The following YTHDC2 variants were observed in gnomAD, a reference collection of about 807,000 sequenced individuals.
The protein encoded by YTHDC2 is YTH N6-methyladenosine RNA binding protein C2, also known as 3'-5' RNA helicase YTHDC2.
YTHDC2 carries 45 observed loss-of-function variants against 174.9 expected under a neutral mutation model. The observed-to-expected ratio is 0.26, with a 90% confidence interval of 0.20 to 0.33. The LOEUF is 0.33. Among genes scored for constraint, YTHDC2 ranks in the 10% least tolerant of loss-of-function variants. The probability of loss-of-function intolerance (pLI) is 1.00; values close to 1 mark genes in which losing one functional copy is unlikely to be tolerated. For synonymous variants in YTHDC2, 657 were observed against 574.5 expected (o/e 1.14, Z -2.05); for missense variants, 1,650 against 1,723.7 (o/e 0.96, Z 0.76).
intron 12 of YTHDC2, 120 bp from the exon 13 acceptor site, chr5:113,553,061 C>T (rs935624592): frequency 1.0e-6 from 1 of 969,372 alleles, no homozygotes; most frequent in Non-Finnish European, 1.4e-6. Context: ...CATATTATAG[C>T]TAGGACATTA....
intron 23 of YTHDC2, among the ~76,000 whole-genome samples, chr5:113,573,030 G>T (rs1461701376): frequency 6.6e-6 from 1 of 152,112 alleles, no homozygotes; most frequent in Admixed American, 6.5e-5. Context: ...TGGTTATTTT[G>T]CAGACTTGTT....
Position 113,562,661 on chromosome 5 carries a change from A to C in YTHDC2, c.2323-712A>C, listed in dbSNP as rs148274924. On this transcript the variant is annotated intron_variant, in intron 18 of 29. Transcript: ENST00000161863. ...TTTTTCCTTCTGCCTTACAGCTTTC[A>C]CAGGTATCTACTCTCTCCTTAGATT... is the stretch of plus-strand genomic sequence containing the variant. 3.4e-3 allele frequency among the ~76,000 whole-genome samples: 511 copies of C among 152,192 alleles called. 3 individuals are homozygous for C. The highest frequency in any genetic ancestry group is 0.012 in the African/African-American group (493 of 41,526).
chr5:113,567,825 C>G lies in YTHDC2; in HGVS notation c.3220C>G (p.Leu1074Val). The change falls in exon 23 of 30, where the codon CTT becomes GTT. Residue 1074 changes from leucine to valine, a missense_variant. Physicochemically the swap from Leu to Val is conservative, Grantham distance 32 (BLOSUM62 1). Around this residue, in one of 5 missense-constraint regions of YTHDC2, gnomAD observed 913 missense variants for 940.4 expected, o/e 0.97. Coordinates refer to ENST00000161863, the MANE Select transcript of YTHDC2 (RefSeq NM_022828.5). The stretch of plus-strand genomic sequence containing the variant: ...ACCAGCTAGATTGGCAAGTAATGCT[C>G]TTCAGGAACCTTCATCCTTTAGAGG... ...CGPARLASNA[L>V]QEPSSFRVDG... 2 of 1,567,310 alleles carry G rather than the reference C, an allele frequency of 1.3e-6. No homozygotes were observed. The highest frequency in any genetic ancestry group is 1.4e-5 in the African/African-American group (1 of 73,370).
At chr5:113,539,759 G>A (rs534746884) in intron 8 of YTHDC2, among the ~76,000 whole-genome samples, 21 of 152,052 alleles carry the variant, frequency 1.4e-4, no homozygotes, top group African/African-American at 5.1e-4. Flanking sequence ...TGTTTATTCT[G>A]TATGCCCTTG....
chr5:113,589,713 C>T (rs1778907958), intron 26 of YTHDC2, among the ~76,000 whole-genome samples: 1 of 152,002 alleles, frequency 6.6e-6, no homozygotes, highest in South Asian at 2.1e-4. Context: ...GCCTGTATGA[C>T]AGAGTGAGAC....
intron 10 of YTHDC2, among the ~76,000 whole-genome samples, chr5:113,544,585 T>C (rs1775722236): frequency 6.6e-6 from 1 of 152,218 alleles, no homozygotes; most frequent in African/African-American, 2.4e-5. Context: ...TGATGTGAAA[T>C]CTAACTACAT....
At position 113,591,247 on chromosome 5, in the gene YTHDC2, G is replaced by A. The variant is rs748016034; in HGVS notation, c.4029+3G>A. The stretch of plus-strand genomic sequence containing the variant: ...TTCAAGGATCTGGACATTTCCAGGT[G>A]AGCCACCCTGAATCAGTAAAATGGG... On this transcript the variant is annotated splice_donor_region_variant and intron_variant, in intron 27 of 29. Transcript: ENST00000161863. The A allele has an allele frequency of 3.1e-6, 5 of 1,613,672 alleles. No homozygotes were observed. The Admixed American group carries it at 8.3e-5, about 27-fold the overall frequency.
chr5:113,534,185 A>G, intron 5 of YTHDC2, 120 bp from the exon 6 acceptor site: 2 of 728,226 alleles, frequency 2.7e-6, no homozygotes, highest in Admixed American at 4.3e-5. Flanking sequence ...AACTGTACAT[A>G]CCGGTACACT....
At chr5:113,552,953 A>G (rs902316331) in intron 12 of YTHDC2, among the ~76,000 whole-genome samples, 11 of 151,992 alleles carry the variant, frequency 7.2e-5, no homozygotes, top group African/African-American at 2.7e-4. Context: ...GGCCATTTGT[A>G]TATTTACTTT....
chr5:113,548,777 G>A, intron 11 of YTHDC2, 110 bp downstream of exon 11: 1 of 1,265,792 alleles, frequency 7.9e-7, no homozygotes, highest in Non-Finnish European at 1.0e-6. Flanking sequence ...AATAATTGCT[G>A]GTGAATTTCT....
chr5:113,569,822 A>G (rs537750136), intron 23 of YTHDC2, among the ~76,000 whole-genome samples: 1 of 152,154 alleles, frequency 6.6e-6, no homozygotes, highest in South Asian at 2.1e-4. Context: ...TCTTGGCTAT[A>G]TGGTCTCTTT....
intron 26 of YTHDC2, among the ~76,000 whole-genome samples, chr5:113,589,408 A>AAAATATATATAT (rs368975720): frequency 2.9e-4 from 36 of 123,240 alleles, no homozygotes; most frequent in African/African-American, 1.1e-3. Context: ...AAAAAAAAAA[A>AAAATATATATAT]ATATATATAT....
Position 113,553,323 on chromosome 5 carries a change from C to G in YTHDC2, c.1831C>G (p.His611Asp). 6.2e-7 allele frequency: 1 copy of G among 1,609,696 alleles called. No homozygotes were observed. The highest frequency in any genetic ancestry group is 8.5e-7 in the Non-Finnish European group (1 of 1,178,518). Residue 611 changes from histidine (H) to aspartate (D), a missense_variant, in exon 13 of 30, where the codon CAT becomes GAT. Coordinates refer to ENST00000161863, the MANE Select transcript of YTHDC2 (RefSeq NM_022828.5). ...DEKVDLDLIM[H>D]LLYNICHSCD... The stretch of plus-strand genomic sequence containing the variant: ...AAAAGTAGACTTGGATTTGATCATG[C>G]ATCTTCTATACAATATCTGCCATAG...
Position 113,553,861 on chromosome 5 carries a change from T to C in YTHDC2, c.2052+7T>C, listed in dbSNP as rs775685220. 3 of 1,581,266 alleles carry C rather than the reference T, an allele frequency of 1.9e-6. No individual in the cohort carries two copies. Among genetic ancestry groups the C allele is most frequent in the Non-Finnish European group, 2.6e-6 (3 of 1,173,524 alleles). Reference sequence around the variant, plus strand: ...TGCAGGTGTTCGAAAAATAGTAAGCTTCATAAAATCTTCTTTTTAACACTT... The same window carrying C: ...TGCAGGTGTTCGAAAAATAGTAAGCCTCATAAAATCTTCTTTTTAACACTT... On this transcript the variant is annotated splice_region_variant and intron_variant, in intron 15 of 29. Transcript: ENST00000161863.
intron 8 of YTHDC2, among the ~76,000 whole-genome samples, chr5:113,539,843 C>T (rs1775327552): frequency 6.6e-6 from 1 of 151,742 alleles, no homozygotes; most frequent in African/African-American, 2.4e-5. Context: ...TTGGGAAGCA[C>T]TGAATTACTG....
chr5:113,514,236 G>A (rs535631414), intron 1 of YTHDC2, 154 bp downstream of exon 1: 397 of 932,750 alleles, frequency 4.3e-4, no homozygotes, highest in Admixed American at 1.3e-3. Flanking sequence ...GCGGCACCCG[G>A]GTCTGGAACG....
intron 23 of YTHDC2, among the ~76,000 whole-genome samples, chr5:113,577,691 G>C (rs1022332662): frequency 6.6e-6 from 1 of 152,050 alleles, no homozygotes; most frequent in South Asian, 2.1e-4. Context: ...TTAATTTAAT[G>C]TTTCCATCCA....
intron 23 of YTHDC2, among the ~76,000 whole-genome samples, chr5:113,573,798 G>C (rs1219176073): frequency 6.6e-6 from 1 of 152,108 alleles, no homozygotes; most frequent in Non-Finnish European, 1.5e-5. Context: ...AAGTTCTCCT[G>C]TTGTGTTTTT....
rs1303259750 is a variant in YTHDC2 at position 113,526,802 on chromosome 5, T to A, written c.675+17T>A. On this transcript the variant is annotated intron_variant, in intron 4 of 29. Transcript: ENST00000161863. ...ACCACACAGGTTTGTTTCTTTTTTG[T>A]TGTTTATAGAAAAAAAAAAAAAAAA... 1 of 1,160,202 alleles carries A rather than the reference T, an allele frequency of 8.6e-7. No individual in the cohort carries two copies. The highest frequency in any genetic ancestry group is 3.2e-5 in the East Asian group (1 of 31,738). The allele number at this position is 1,160,202 out of a possible 1,614,324, so 71.9% of individuals were successfully genotyped here.
Sources: gnomAD v4.1 joint callset for allele counts (sites outside exome capture counted in the v4.1 genomes callset) on GRCh38, gnomAD v4.1.1 for gene constraint, gnomAD v4.1.1 regional missense constraint, MANE v1.5 for transcripts, NCBI Gene and HGNC (gene_info 2026-07-23, HGNC 2026-07-21) for gene names.